Variants in NT5C2 observed in about 807,000 individuals in gnomAD.
The protein encoded by NT5C2 is cytosolic purine 5'-nucleotidase.
NT5C2 carries 58 observed loss-of-function variants against 76.1 expected under a neutral mutation model. The observed-to-expected ratio is 0.76, with a 90% confidence interval of 0.62 to 0.95. The LOEUF is 0.95. Ranked by LOEUF, NT5C2 falls within the 40% of genes least tolerant of loss-of-function variation. NT5C2 has a pLI of 0.00. For synonymous variants in NT5C2, 229 were observed against 237.4 expected, an observed-to-expected ratio of 0.96 and a Z score of 0.32; for missense variants, 478 against 690.3, an observed-to-expected ratio of 0.69 and a Z score of 3.45.
chr10:103,112,967 T>C (rs546178955), intron 4 of NT5C2, among the ~76,000 whole-genome samples: 19 of 152,308 alleles, frequency 1.2e-4, no homozygotes, highest in African/African-American at 4.3e-4. Context: ...TCCAAAACTA[T>C]ATGAAAATCC....
chr10:103,162,824 A>C (rs766153200), intron 3 of NT5C2, among the ~76,000 whole-genome samples: 4 of 152,134 alleles, frequency 2.6e-5, no homozygotes, highest in Non-Finnish European at 5.9e-5. Context: ...ATACAGTAAT[A>C]GTTTATTTAA....
At chr10:103,179,877 C>A (rs899807852) in intron 2 of NT5C2, among the ~76,000 whole-genome samples, 10 of 152,092 alleles carry the variant, frequency 6.6e-5, no homozygotes, top group African/African-American at 2.2e-4. Context: ...TAATTTAAGT[C>A]CCTCTTCATG....
At chr10:103,094,222 A>C in intron 13 of NT5C2, 126 bp downstream of exon 13, 1 of 752,744 alleles carries the variant, frequency 1.3e-6, no homozygotes, top group Non-Finnish European at 2.2e-6. Context: ...AAAACTCTTA[A>C]TTTCAAAAGA....
intron 2 of NT5C2, chr10:103,175,975 G>T: frequency 6.1e-6 from 1 of 165,178 alleles, no homozygotes. Context: ...TGAGAGCCAG[G>T]AGCCCCAAGC....
intron 3 of NT5C2, among the ~76,000 whole-genome samples, chr10:103,162,172 C>T (rs771144499): frequency 3.3e-5 from 5 of 151,974 alleles, no homozygotes; most frequent in Admixed American, 6.6e-5. Flanking sequence ...CGCACCACCA[C>T]GCCCAGCAAA....
chr10:103,136,330 T>C (rs1310693984), intron 4 of NT5C2, among the ~76,000 whole-genome samples: 2 of 152,222 alleles, frequency 1.3e-5, no homozygotes, highest in East Asian at 1.9e-4. Flanking sequence ...CTCAGAGTCA[T>C]ATGTAAAATG....
intron 4 of NT5C2, among the ~76,000 whole-genome samples, chr10:103,134,838 C>A (rs987561021): frequency 5.9e-5 from 9 of 152,228 alleles, no homozygotes; most frequent in African/African-American, 2.2e-4. Flanking sequence ...GAATCCACCT[C>A]TTGCATCAGC....
At chr10:103,145,013 T>C (rs1293958140) in intron 3 of NT5C2, among the ~76,000 whole-genome samples, 1 of 152,210 alleles carries the variant, frequency 6.6e-6, no homozygotes, top group East Asian at 1.9e-4. Flanking sequence ...TTTCCTTTTC[T>C]TTCCCTAATC....
intron 4 of NT5C2, among the ~76,000 whole-genome samples, chr10:103,139,044 T>C (rs2079886959): frequency 6.6e-6 from 1 of 151,814 alleles, no homozygotes; most frequent in Admixed American, 6.6e-5. Flanking sequence ...CTGATACAAG[T>C]TTATCTGTGG....
chr10:103,173,593 G>A (rs1474234173), intron 3 of NT5C2, among the ~76,000 whole-genome samples: 1 of 140,510 alleles, frequency 7.1e-6, no homozygotes, highest in Non-Finnish European at 1.5e-5. Context: ...GCCTGGGCCA[G>A]GGAGCGAGAC....
chr10:103,093,327 A>G lies in NT5C2; in HGVS notation c.989-18T>C. ...AGAAGAACCTGAACCAACAGAGTGAACAATGAGAAAACTGTCCCTATATTA... is the reference window on the plus strand; with the variant it reads ...AGAAGAACCTGAACCAACAGAGTGAGCAATGAGAAAACTGTCCCTATATTA... On this transcript the variant is annotated intron_variant, in intron 14 of 18. Transcript: ENST00000404739. The G allele has an allele frequency of 6.6e-7, 1 of 1,522,536 alleles. No homozygotes were observed. Among genetic ancestry groups the G allele is most frequent in the East Asian group, 2.4e-5 (1 of 42,262 alleles). The allele number at this position is 1,522,536 out of a possible 1,614,324, so 94.3% of individuals were successfully genotyped here.
At position 103,105,759 on chromosome 10, in the gene NT5C2, G is replaced by A. The variant is rs12253627; in HGVS notation, c.336C>T (p.Val112=). 25 of 1,613,130 alleles carry A rather than the reference G, an allele frequency of 1.5e-5. No individual in the cohort carries two copies. Among genetic ancestry groups the A allele is most frequent in the Middle Eastern group, 1.6e-4 (1 of 6,078 alleles). The part of the protein sequence containing the change: ...FDTLYGNLLK[V]DAYGNLLVCA... ...AGACCAAGAGGTTTCCATAGGCATC[G>A]ACTTTCAAAAGATTTCCATACAGTG... Residue 112 remains valine, a synonymous_variant, in exon 6 of 19, where the codon GTC becomes GTT. Transcript: ENST00000404739.
At chr10:103,096,869 A>C (rs1457799294) in intron 11 of NT5C2, among the ~76,000 whole-genome samples, 2 of 150,726 alleles carry the variant, frequency 1.3e-5, no homozygotes, top group African/African-American at 4.9e-5. Flanking sequence ...AAAAAAAAAA[A>C]AAGATATATA....
At chr10:103,106,303 C>A (rs751373728) in intron 5 of NT5C2, among the ~76,000 whole-genome samples, 13 of 152,092 alleles carry the variant, frequency 8.5e-5, no homozygotes, top group Non-Finnish European at 1.2e-4. Flanking sequence ...CAAATAGCAC[C>A]ACCTGTGATT....
rs759339080 is a variant in NT5C2, at chr10:103,174,876, C to T, written c.83G>A (p.Arg28His). The change falls in exon 3 of 19, where the codon CGT becomes CAT. Residue 28 changes from arginine (R) to histidine (H), a missense_variant. Transcript: ENST00000404739. ...NMDKHALKKY[R>H]REAYHRVFVN... ...TACTTACCGATGATAGGCTTCTCGACGATACTTTTTCAGGGCATGCTTATC... is the reference window on the plus strand; with the variant it reads ...TACTTACCGATGATAGGCTTCTCGATGATACTTTTTCAGGGCATGCTTATC... The T allele has an allele frequency of 5.0e-6, 8 of 1,612,342 alleles. No homozygotes were observed. In the East Asian group the frequency reaches 6.7e-5, roughly 13 times the overall value.
chr10:103,120,605 G>A (rs1038437269), intron 4 of NT5C2, among the ~76,000 whole-genome samples: 1 of 152,180 alleles, frequency 6.6e-6, no homozygotes, highest in Non-Finnish European at 1.5e-5. Flanking sequence ...AGTAGAATGA[G>A]TATTATCAAA....
intron 11 of NT5C2, 91 bp from the exon 12 acceptor site, chr10:103,096,071 CT>C: frequency 1.1e-6 from 1 of 951,760 alleles, no homozygotes; most frequent in East Asian, 2.4e-5. Flanking sequence ...CAAAACATGT[CT>C]TTTTCAACAT....
intron 4 of NT5C2, among the ~76,000 whole-genome samples, chr10:103,127,347 A>C (rs1221663823): frequency 1.3e-5 from 2 of 152,214 alleles, no homozygotes; most frequent in Non-Finnish European, 2.9e-5. Context: ...TTCTATATAC[A>C]AATGTTAGTC....
intron 10 of NT5C2, chr10:103,098,387 G>T (rs11191556): frequency 0.11 from 24,701 of 218,934 alleles, 1,744 homozygotes; most frequent in Non-Finnish European, 0.15. Context: ...ACAGGTTAAA[G>T]GCATTTTAAA....
Sources: allele counts gnomAD v4.1 joint callset (sites outside exome capture counted in the v4.1 genomes callset), GRCh38; gene constraint gnomAD v4.1.1; transcripts MANE v1.5; gene names NCBI Gene and HGNC (gene_info 2026-07-23, HGNC 2026-07-21).